Variants in ACKR2 observed in about 807,000 individuals in gnomAD.
The protein encoded by ACKR2 is atypical chemokine receptor 2.
For synonymous variants in ACKR2, 207 were observed against 192.2 expected (o/e 1.08, Z -0.64); for missense variants, 457 against 477.3 (o/e 0.96, Z 0.40).
At chr3:42,833,998 T>G (rs1700959301) in intron 2 of ACKR2, among the ~76,000 whole-genome samples, 1 of 152,206 alleles carries the variant, frequency 6.6e-6, no homozygotes, top group African/African-American at 2.4e-5. Context: ...GTTTCGCTCT[T>G]GTTGCCCAGG....
chr3:42,815,380 G>C (rs1268992691), intron 1 of ACKR2, among the ~76,000 whole-genome samples: 1 of 152,184 alleles, frequency 6.6e-6, no homozygotes, highest in Admixed American at 6.5e-5. Flanking sequence ...AATCTTTAAA[G>C]ACCAGTCCCC....
intron 2 of ACKR2, among the ~76,000 whole-genome samples, chr3:42,831,039 TAAA>T (rs921181094): frequency 6.8e-6 from 1 of 146,326 alleles, no homozygotes; most frequent in East Asian, 2.0e-4. Context: ...GCAAAAAAAA[TAAA>T]AAAAAAGAGA....
chr3:42,842,743 G>A (rs1432832173), intron 2 of ACKR2, among the ~76,000 whole-genome samples: 1 of 152,052 alleles, frequency 6.6e-6, no homozygotes, highest in Non-Finnish European at 1.5e-5. Flanking sequence ...AACACTTTTG[G>A]AGGTCGAGGC....
intron 2 of ACKR2, among the ~76,000 whole-genome samples, chr3:42,860,294 G>A (rs557513362): frequency 1.3e-5 from 2 of 150,050 alleles, no homozygotes; most frequent in East Asian, 2.0e-4. Context: ...AATGCAACAC[G>A]AAGAGCTAAC....
intron 2 of ACKR2, among the ~76,000 whole-genome samples, chr3:42,844,515 A>G (rs1701072673): frequency 1.3e-5 from 2 of 152,130 alleles, no homozygotes; most frequent in African/African-American, 4.8e-5. Context: ...CAGGGGCAAG[A>G]CAGGCTTTGT....
intron 2 of ACKR2, among the ~76,000 whole-genome samples, chr3:42,850,241 T>C (rs1575388308): frequency 6.6e-6 from 1 of 152,186 alleles, no homozygotes; most frequent in Non-Finnish European, 1.5e-5. Context: ...AAACCCATCA[T>C]AGTCTTAATG....
chr3:42,824,911 G>A (rs888198512), intron 2 of ACKR2, among the ~76,000 whole-genome samples: 10 of 152,178 alleles, frequency 6.6e-5, no homozygotes, highest in African/African-American at 2.4e-4. Context: ...CAATGTGGCT[G>A]TGCCATTTTA....
At chr3:42,859,299 G>A (rs1198818552) in intron 2 of ACKR2, among the ~76,000 whole-genome samples, 1 of 152,150 alleles carries the variant, frequency 6.6e-6, no homozygotes, top group African/African-American at 2.4e-5. Flanking sequence ...ACCTACAGAG[G>A]GAAGCCCATC....
At chr3:42,822,606 A>G (rs1041447881) in intron 2 of ACKR2, among the ~76,000 whole-genome samples, 3 of 152,152 alleles carry the variant, frequency 2.0e-5, no homozygotes, top group Non-Finnish European at 4.4e-5. Flanking sequence ...TAATCCCAGC[A>G]CTTTGGGAGG....
At chr3:42,844,914 A>C (rs1275341953) in intron 2 of ACKR2, among the ~76,000 whole-genome samples, 4 of 152,122 alleles carry the variant, frequency 2.6e-5, no homozygotes, top group Non-Finnish European at 4.4e-5. Context: ...ACGGGCCTCC[A>C]CTTAGACATC....
Position 42,865,308 on chromosome 3 carries a change from C to A in ACKR2, c.806C>A (p.Thr269Asn), listed in dbSNP as rs1356518266. Residue 269 changes from threonine to asparagine, a missense_variant, in exon 3 of 3, where the codon ACC (threonine) becomes AAC (asparagine). Thr to Asn is a moderately conservative substitution (Grantham distance 65, BLOSUM62 0). Coordinates refer to ENST00000422265, the MANE Select transcript of ACKR2 (RefSeq NM_001296.5). The part of the protein sequence containing the change: ...FFVLWFPYNL[T>N]LFLHTLLDLQ... ...GTGCTATGGTTCCCATACAATCTCA[C>A]CTTGTTTCTGCATACGCTGTTGGAC... The A allele has an allele frequency of 1.2e-6, 2 of 1,614,100 alleles. No individual in the cohort carries two copies. Among genetic ancestry groups the A allele is most frequent in the Non-Finnish European group, 1.7e-6 (2 of 1,180,044 alleles).
chr3:42,817,574 G>A (rs921553353), intron 1 of ACKR2, among the ~76,000 whole-genome samples: 2 of 151,754 alleles, frequency 1.3e-5, no homozygotes, highest in South Asian at 2.1e-4. Flanking sequence ...GCCTCTCCTC[G>A]CCCCTGCATC....
chr3:42,834,658 A>C (rs1270229515), intron 2 of ACKR2: 2 of 145,884 alleles, frequency 1.4e-5, no homozygotes, highest in Non-Finnish European at 3.0e-5. Flanking sequence ...GCTCACTGCA[A>C]CCTCCACCTC....
chr3:42,852,323 G>A lies in ACKR2; in HGVS notation c.-37-12143G>A, dbSNP rs1442302961. The A allele has an allele frequency of 6.6e-6, 1 of 152,102 alleles. No homozygotes were observed. Among genetic ancestry groups the A allele is most frequent in the Non-Finnish European group, 1.5e-5 (1 of 68,012 alleles). 9.4% of individuals were successfully genotyped at this position (152,102 alleles called of 1,614,324 possible). On this transcript the variant is annotated intron_variant, in intron 2 of 2. Transcript: ENST00000422265. The surrounding 1 kb of genome is among the most constrained non-coding windows in gnomAD (Gnocchi z 4.3). ...GAACATTACAGGCAACAAGTACAGA[G>A]GCAAAAAACAAAACATCAAAAAACA...
chr3:42,828,107 T>TTTTCC (rs1700891762), intron 2 of ACKR2, among the ~76,000 whole-genome samples: 1 of 106,514 alleles, frequency 9.4e-6, no homozygotes, highest in African/African-American at 3.4e-5. Context: ...TTTTTTTTTC[T>TTTTCC]TTTCTTTTCT....
intron 2 of ACKR2, among the ~76,000 whole-genome samples, chr3:42,848,949 G>A (rs1701125008): frequency 6.6e-6 from 1 of 152,126 alleles, no homozygotes; most frequent in African/African-American, 2.4e-5. Context: ...TTCTACAAAT[G>A]AACTGGCCAG....
In ACKR2 at chr3:42,865,044, T is replaced by C. The variant is rs1354264369; in HGVS notation, c.542T>C (p.Val181Ala). Residue 181 changes from valine (V) to alanine (A), a missense_variant, in exon 3 of 3, where the codon GTC (valine) becomes GCC (alanine). Val to Ala is a moderately conservative substitution (Grantham distance 64). Coordinates refer to ENST00000422265, the MANE Select transcript of ACKR2 (RefSeq NM_001296.5). ...VSLAVSIPDM[V>A]FVQTHENPKG... ...CTGGCCGTCTCCATCCCTGATATGGTCTTTGTACAGACACATGAAAATCCC... is the reference window on the plus strand; with the variant it reads ...CTGGCCGTCTCCATCCCTGATATGGCCTTTGTACAGACACATGAAAATCCC... 1.9e-6 allele frequency: 3 copies of C among 1,614,036 alleles called. No individual in the cohort carries two copies. In the South Asian group the frequency reaches 3.3e-5, roughly 18 times the overall value.
chr3:42,814,757 C>CTATATAAATTATTTA (rs1412098092), intron 1 of ACKR2, among the ~76,000 whole-genome samples: 1 of 152,080 alleles, frequency 6.6e-6, no homozygotes, highest in Non-Finnish European at 1.5e-5. Context: ...AATTTATAAT[C>CTATATAAATTATTTA]TAAGTAGGTA....
chr3:42,810,597 C>T (rs1238435450), intron 1 of ACKR2, among the ~76,000 whole-genome samples: 1 of 151,988 alleles, frequency 6.6e-6, no homozygotes, highest in East Asian at 1.9e-4. Flanking sequence ...TACATGCTCA[C>T]CCTATCTAAA....
Sources: gnomAD v4.1 joint callset for allele counts (sites outside exome capture counted in the v4.1 genomes callset) on GRCh38, gnomAD v4.1.1 for gene constraint, Gnocchi (gnomAD v3.1) non-coding constraint, MANE v1.5 for transcripts, NCBI Gene and HGNC (gene_info 2026-07-23, HGNC 2026-07-21) for gene names.